Variants in NCOA1 observed in about 807,000 individuals in gnomAD.
The protein encoded by NCOA1 is Hin-2 protein.
A neutral mutation model predicts 150.9 loss-of-function variants in NCOA1; 35 were observed. The observed-to-expected ratio is 0.23, with a 90% CI of 0.18 to 0.31. The LOEUF (loss-of-function observed/expected upper bound fraction) is 0.31, where lower values mean the gene tolerates loss of function less well. Ranked by LOEUF, NCOA1 falls within the 10% of genes least tolerant of loss-of-function variation. The pLI is 1.00. For synonymous variants in NCOA1, 590 were observed against 630.0 expected (o/e 0.94, Z 0.95); for missense variants, 1,491 against 1,749.3 (o/e 0.85, Z 2.63).
At chr2:24,680,499 A>C (rs979212904) in intron 7 of NCOA1, among the ~76,000 whole-genome samples, 4 of 152,158 alleles carry the variant, frequency 2.6e-5, no homozygotes, top group Admixed American at 2.6e-4. Flanking sequence ...ACATGATCTC[A>C]CTTATATGTG....
At chr2:24,664,851 A>G (rs561493950) in intron 5 of NCOA1, among the ~76,000 whole-genome samples, 5 of 152,328 alleles carry the variant, frequency 3.3e-5, no homozygotes, top group South Asian at 2.1e-4. Flanking sequence ...TGCTGCTTAT[A>G]AAACAAAGAG....
At position 24,652,177 on chromosome 2, in the gene NCOA1, A is replaced by G. The variant is rs1049490682; in HGVS notation, c.-17-6484A>G. ...GATAAACAAAATATGGCATCTCCAA[A>G]CAATAGAATATTATTCAATTATTAA... On this transcript the variant is annotated intron_variant, in intron 4 of 22. Transcript: ENST00000348332. Among the ~76,000 whole-genome samples, 5 of 152,122 alleles carry G rather than the reference A, an allele frequency of 3.3e-5. No homozygotes were observed. In the South Asian group the frequency reaches 1.0e-3, roughly 31 times the overall value.
rs929651793 is a variant in NCOA1 at position 24,741,851 on chromosome 2, G to A, written c.3371G>A (p.Arg1124Lys). The change falls in exon 19 of 23, where the codon AGG becomes AAG. Residue 1124 changes from arginine to lysine, a missense_variant. Coordinates refer to ENST00000348332, the MANE Select transcript of NCOA1 (RefSeq NM_003743.5). Reference sequence around the variant, plus strand: ...CTGTACAGTCAACAGCACCGACAGAGGCAGCTAATACAGCAGCAAAGAGCC... The same window carrying A: ...CTGTACAGTCAACAGCACCGACAGAAGCAGCTAATACAGCAGCAAAGAGCC... ...RELYSQQHRQ[R>K]QLIQQQRAML... 6.2e-7 allele frequency: 1 copy of A among 1,614,206 alleles called. No individual in the cohort carries two copies. The highest frequency in any genetic ancestry group is 8.5e-7 in the Non-Finnish European group (1 of 1,180,024).
intron 22 of NCOA1, among the ~76,000 whole-genome samples, chr2:24,766,512 C>A (rs1391838611): frequency 6.6e-6 from 1 of 151,544 alleles, no homozygotes; most frequent in Non-Finnish European, 1.5e-5. Context: ...GTGAGTTAGA[C>A]AGAAATATAA....
At chr2:24,738,722 T>C (rs889050205) in intron 17 of NCOA1, among the ~76,000 whole-genome samples, 2 of 152,250 alleles carry the variant, frequency 1.3e-5, no homozygotes, top group Non-Finnish European at 2.9e-5. Context: ...ACCCATCATT[T>C]CCAGTACTTA....
At chr2:24,718,055 C>T (rs1674144528) in intron 14 of NCOA1, among the ~76,000 whole-genome samples, 1 of 151,942 alleles carries the variant, frequency 6.6e-6, no homozygotes, top group Non-Finnish European at 1.5e-5. Context: ...CACCACTATG[C>T]CTGGATAATT....
At chr2:24,634,444 A>C (rs1310173351) in intron 3 of NCOA1, among the ~76,000 whole-genome samples, 2 of 152,126 alleles carry the variant, frequency 1.3e-5, no homozygotes, top group South Asian at 4.1e-4. Flanking sequence ...TACTCCTTCT[A>C]TGTGTTAGGT....
chr2:24,686,951 A>G (rs775416485), intron 8 of NCOA1, among the ~76,000 whole-genome samples: 1 of 151,596 alleles, frequency 6.6e-6, no homozygotes, highest in African/African-American at 2.4e-5. Flanking sequence ...TTTTTTTCAC[A>G]TCTCAGAAAG....
At chr2:24,647,941 T>C (rs1455914567) in intron 4 of NCOA1, among the ~76,000 whole-genome samples, 1 of 152,210 alleles carries the variant, frequency 6.6e-6, no homozygotes, top group African/African-American at 2.4e-5. Flanking sequence ...TTCTTTTTAT[T>C]GTTATTATTC....
chr2:24,605,555 G>T (rs1212742968), intron 3 of NCOA1, among the ~76,000 whole-genome samples: 2 of 152,076 alleles, frequency 1.3e-5, no homozygotes, highest in African/African-American at 2.4e-5. Context: ...TTATTTTGTG[G>T]TATGCATGTG....
chr2:24,759,711 A>G (rs1048594772), intron 21 of NCOA1, among the ~76,000 whole-genome samples: 2 of 152,070 alleles, frequency 1.3e-5, no homozygotes, highest in African/African-American at 4.8e-5. Context: ...AAATGATACT[A>G]TATCACCTCA....
chr2:24,609,537 G>T (rs911308527), intron 3 of NCOA1, among the ~76,000 whole-genome samples: 10 of 152,142 alleles, frequency 6.6e-5, no homozygotes, highest in Non-Finnish European at 1.2e-4. Context: ...AGGATTGTTG[G>T]AGCCCAGGAG....
chr2:24,586,922 C>T (rs1212655698), intron 3 of NCOA1, among the ~76,000 whole-genome samples: 1 of 152,078 alleles, frequency 6.6e-6, no homozygotes, highest in Non-Finnish European at 1.5e-5. Context: ...TGTCACCCTC[C>T]CCCACTGTTT....
chr2:24,544,396 C>T (rs948498789), intron 1 of NCOA1, among the ~76,000 whole-genome samples: 4 of 152,008 alleles, frequency 2.6e-5, no homozygotes, highest in Admixed American at 2.0e-4. Flanking sequence ...GTAAAATGTG[C>T]GGAGATGGAA....
chr2:24,653,370 G>T (rs1294034768), intron 4 of NCOA1, among the ~76,000 whole-genome samples: 1 of 151,954 alleles, frequency 6.6e-6, no homozygotes, highest in South Asian at 2.1e-4. Flanking sequence ...GCAGTTTGCT[G>T]TTTTTTTCCC....
intron 3 of NCOA1, among the ~76,000 whole-genome samples, chr2:24,600,438 C>G (rs934607030): frequency 5.3e-5 from 8 of 152,212 alleles, no homozygotes; most frequent in Non-Finnish European, 8.8e-5. Flanking sequence ...AACTCCTGAG[C>G]TCAAGTGATC....
At chr2:24,548,761 C>T (rs1171867843) in intron 1 of NCOA1, among the ~76,000 whole-genome samples, 1 of 152,212 alleles carries the variant, frequency 6.6e-6, no homozygotes, top group African/African-American at 2.4e-5. Flanking sequence ...AAATGATCTC[C>T]TTTGACTCCA....
At chr2:24,649,363 T>A (rs1489567297) in intron 4 of NCOA1, among the ~76,000 whole-genome samples, 1 of 152,236 alleles carries the variant, frequency 6.6e-6, no homozygotes, top group East Asian at 1.9e-4. Context: ...TAAATACTTA[T>A]ATTCTTGTTT....
At chr2:24,515,145 T>G (rs940588478) in intron 1 of NCOA1, among the ~76,000 whole-genome samples, 1 of 152,202 alleles carries the variant, frequency 6.6e-6, no homozygotes, top group African/African-American at 2.4e-5. Flanking sequence ...TAAAAACATG[T>G]TTTGTATGGC....
Sources: gnomAD v4.1 joint callset for allele counts (sites outside exome capture counted in the v4.1 genomes callset) on GRCh38, gnomAD v4.1.1 for gene constraint, MANE v1.5 for transcripts, NCBI Gene and HGNC (gene_info 2026-07-23, HGNC 2026-07-21) for gene names.